The following RHOA variants were observed in gnomAD, a reference collection of about 807,000 sequenced individuals.
RHOA encodes ras homolog family member A, also known as transforming protein RhoA.
In RHOA, 3 loss-of-function variants were observed where a neutral mutation model predicts 17.5. That is an observed-to-expected ratio of 0.17 (90% confidence interval 0.08 to 0.44). The LOEUF (loss-of-function observed/expected upper bound fraction) is 0.44, where lower values mean the gene tolerates loss of function less well. RHOA is among the 20% of genes least tolerant of loss of function. The pLI, the probability that RHOA is intolerant of heterozygous loss-of-function variation, is 0.99. For synonymous variants in RHOA, 98 were observed against 88.4 expected (o/e 1.11, Z -0.61); for missense variants, 56 against 242.3 (o/e 0.23, Z 5.10).
Position 49,368,678 on chromosome 3 carries a change from C to A in RHOA, c.157-130G>T, listed in dbSNP as rs1239238629. ...TGGCAGACGGTCTAAAACAGTAAAACACAGGAGTATTTACATTTTTTCTTT... is the reference window on the plus strand; with the variant it reads ...TGGCAGACGGTCTAAAACAGTAAAAAACAGGAGTATTTACATTTTTTCTTT... On this transcript the variant is annotated intron_variant, in intron 2 of 4. Transcript: ENST00000418115. 7.0e-6 allele frequency: 6 copies of A among 854,312 alleles called. No homozygotes were observed. The Admixed American group carries it at 7.5e-5, about 11-fold the overall frequency. 52.9% of individuals were successfully genotyped at this position (854,312 alleles called of 1,614,324 possible).
intron 2 of RHOA, 136 bp downstream of exon 2, chr3:49,375,298 G>C (rs1314495707): frequency 1.3e-6 from 1 of 779,114 alleles, no homozygotes; most frequent in Non-Finnish European, 2.0e-6. Flanking sequence ...TAAGATGGCA[G>C]GATGAGAATG....
At chr3:49,381,963 A>C (rs1384308774) in intron 1 of RHOA, among the ~76,000 whole-genome samples, 1 of 152,084 alleles carries the variant, frequency 6.6e-6, no homozygotes. Flanking sequence ...AGGTGGGAAG[A>C]CAGCTAGAGT....
At chr3:49,402,500 G>C (rs535075314) in intron 1 of RHOA, among the ~76,000 whole-genome samples, 1 of 151,374 alleles carries the variant, frequency 6.6e-6, no homozygotes, top group Non-Finnish European at 1.5e-5. Context: ...ATGGCAAAAC[G>C]TCATCTCTAT....
intron 1 of RHOA, among the ~76,000 whole-genome samples, chr3:49,392,495 T>A (rs1217600391): frequency 2.6e-5 from 4 of 152,140 alleles, no homozygotes; most frequent in Admixed American, 6.6e-5. Flanking sequence ...TTCTTCCTTT[T>A]TATCAAGTAA....
At chr3:49,407,417 T>C (rs1177565624) in intron 1 of RHOA, among the ~76,000 whole-genome samples, 1 of 151,950 alleles carries the variant, frequency 6.6e-6, no homozygotes, top group African/African-American at 2.4e-5. Context: ...GTATTTTTAG[T>C]AGAGACAGGG....
In RHOA at chr3:49,383,623, T is replaced by G. The variant is rs187082579; in HGVS notation, c.-2-8032A>C. 2.9e-4 allele frequency among the ~76,000 whole-genome samples: 44 copies of G among 152,198 alleles called. No individual in the cohort carries two copies. The East Asian group carries it at 7.5e-3, about 26-fold the overall frequency. ...CCTGCACTCCATTCCTTCCGGGTGC[T>G]CTGGTGTGTCTGAGATTACTGCATG... is the stretch of plus-strand genomic sequence containing the variant. On this transcript the variant is annotated intron_variant, in intron 1 of 4. Transcript: ENST00000418115.
chr3:49,388,736 C>T (rs2048444165), intron 1 of RHOA, among the ~76,000 whole-genome samples: 1 of 152,186 alleles, frequency 6.6e-6, no homozygotes. Context: ...TAGTATCTCA[C>T]ATTTTGAAAT....
intron 2 of RHOA, among the ~76,000 whole-genome samples, 173 bp from the exon 3 acceptor site, chr3:49,368,721 T>C (rs2048099483): frequency 6.7e-6 from 1 of 148,160 alleles, no homozygotes; most frequent in African/African-American, 2.5e-5. Flanking sequence ...TTTTTTTTTT[T>C]TTTTGAGATG....
At chr3:49,368,106 T>C (rs1441495608) in intron 3 of RHOA, among the ~76,000 whole-genome samples, 2 of 151,938 alleles carry the variant, frequency 1.3e-5, no homozygotes, top group African/African-American at 4.8e-5. Context: ...AAGACGGGGT[T>C]TCACCATGTT....
At chr3:49,361,532 A>C (rs1361994738) in intron 4 of RHOA, among the ~76,000 whole-genome samples, 2 of 152,180 alleles carry the variant, frequency 1.3e-5, no homozygotes, top group African/African-American at 4.8e-5. Context: ...TTCAGTTGCC[A>C]CTAATTTATC....
At chr3:49,396,626 G>C (rs906235819) in intron 1 of RHOA, among the ~76,000 whole-genome samples, 1 of 152,138 alleles carries the variant, frequency 6.6e-6, no homozygotes, top group African/African-American at 2.4e-5. Flanking sequence ...AGAATCGCTT[G>C]AACCTGGGAG....
At chr3:49,403,134 C>G (rs996093775) in intron 1 of RHOA, among the ~76,000 whole-genome samples, 5 of 151,690 alleles carry the variant, frequency 3.3e-5, no homozygotes, top group African/African-American at 1.2e-4. Flanking sequence ...AAGATCAGAT[C>G]GAGACCATCC....
At chr3:49,391,976 CA>C (rs543297690) in intron 1 of RHOA, among the ~76,000 whole-genome samples, 111 of 151,904 alleles carry the variant, frequency 7.3e-4, no homozygotes, top group Middle Eastern at 3.4e-3. Context: ...TATAGGCATC[CA>C]CCACTATGTT....
chr3:49,363,795 T>C (rs529350993), intron 3 of RHOA, among the ~76,000 whole-genome samples: 1 of 151,914 alleles, frequency 6.6e-6, no homozygotes, highest in Non-Finnish European at 1.5e-5. Context: ...GAGGTTGTGA[T>C]GAGTCGAGAT....
At chr3:49,361,073 AAAAAAAACAAAAC>A (rs1409619444) in intron 4 of RHOA, 10 of 153,910 alleles carry the variant, frequency 6.5e-5, no homozygotes, top group East Asian at 4.2e-4. Flanking sequence ...GCTCCTTCTC[AAAAAAAACAAAAC>A]AAAAAAAAAA....
intron 1 of RHOA, among the ~76,000 whole-genome samples, chr3:49,398,072 G>C (rs561020949): frequency 2.2e-4 from 34 of 152,254 alleles, no homozygotes; most frequent in Admixed American, 2.0e-3. Flanking sequence ...GTAAAGAGTA[G>C]GATTTAGGCT....
chr3:49,363,144 A>C (rs868207847), intron 3 of RHOA, among the ~76,000 whole-genome samples: 4 of 152,138 alleles, frequency 2.6e-5, no homozygotes, highest in South Asian at 4.1e-4. Context: ...TTTGGCCGGG[A>C]GCGGTGGCTC....
chr3:49,399,369 CA>C lies in RHOA; in HGVS notation c.-3+12450del, dbSNP rs11400251. Among the ~76,000 whole-genome samples, 514 of 125,622 alleles carry C rather than the reference CA, an allele frequency of 4.1e-3. 3 individuals carry two copies. The highest frequency in any genetic ancestry group is 0.012 in the African/African-American group (389 of 33,724). 82.4% of individuals were successfully genotyped at this position (125,622 alleles called of 152,430 possible). A position where few individuals can be genotyped will look rare whatever the true frequency, so the allele number is the denominator to read the frequency against. Reference sequence around the variant, plus strand: ...TGGGCGACAGAGCGAGACTCTGTCTCAAAAAAAAAAAAAGTGTGTTAACAAA... The same window carrying C: ...TGGGCGACAGAGCGAGACTCTGTCTCAAAAAAAAAAAAGTGTGTTAACAAA... On this transcript the variant is annotated intron_variant, in intron 1 of 4. Transcript: ENST00000418115.
chr3:49,372,220 T>C (rs1459224316), intron 2 of RHOA, among the ~76,000 whole-genome samples: 2 of 152,094 alleles, frequency 1.3e-5, no homozygotes, highest in Non-Finnish European at 1.5e-5. Context: ...TAAAACCAGT[T>C]TTCCTATCAG....
Sources: allele counts gnomAD v4.1 joint callset (sites outside exome capture counted in the v4.1 genomes callset), GRCh38; gene constraint gnomAD v4.1.1; transcripts MANE v1.5; gene names NCBI Gene and HGNC (gene_info 2026-07-23, HGNC 2026-07-21).